OCLN: variants seen among roughly 807,000 people sequenced by gnomAD.
The protein encoded by OCLN is phosphatase 1, regulatory subunit 115.
OCLN carries 21 observed loss-of-function variants against 47.9 expected under a neutral mutation model. The observed-to-expected ratio is 0.44, with a 90% CI of 0.31 to 0.63. OCLN has a LOEUF of 0.63. OCLN is among the 30% of genes least tolerant of loss of function. OCLN has a pLI of 0.08. For synonymous variants in OCLN, 117 were observed against 198.4 expected (o/e 0.59, Z 3.45); for missense variants, 360 against 571.0 (o/e 0.63, Z 3.77).
At chr5:69,515,283 GA>G (rs1470453943) in intron 4 of OCLN, among the ~76,000 whole-genome samples, 1 of 141,222 alleles carries the variant, frequency 7.1e-6, no homozygotes, top group Non-Finnish European at 1.6e-5. Flanking sequence ...GCGGGGGGCT[GA>G]CCCCCCCACC....
chr5:69,526,392 G>A lies in OCLN; in HGVS notation c.892-8302G>A, dbSNP rs1481870982. Among the ~76,000 whole-genome samples, 4 of 152,102 alleles carry A rather than the reference G, an allele frequency of 2.6e-5. No homozygotes were observed. In the East Asian group the frequency reaches 7.7e-4, roughly 29 times the overall value. ...GGAACTGCAGATGATTGGCTCACAG[G>A]CTGGGCGACCAAAGACATCCTGGCA... On this transcript the variant is annotated intron_variant, in intron 4 of 8. Coordinates refer to ENST00000396442, the MANE Select transcript of OCLN (RefSeq NM_001205254.2).
At chr5:69,506,104 T>G (rs1248936689) in intron 2 of OCLN, among the ~76,000 whole-genome samples, 5 of 152,154 alleles carry the variant, frequency 3.3e-5, no homozygotes, top group African/African-American at 1.2e-4. Context: ...TAAAGTGGCT[T>G]GCAGAACTCA....
At chr5:69,533,766 C>T (rs1485458056) in intron 4 of OCLN, among the ~76,000 whole-genome samples, 1 of 152,206 alleles carries the variant, frequency 6.6e-6, no homozygotes. Flanking sequence ...GATTCTCTTG[C>T]CTCAGCCTCC....
At chr5:69,520,418 A>G (rs1769102560) in intron 4 of OCLN, among the ~76,000 whole-genome samples, 1 of 151,114 alleles carries the variant, frequency 6.6e-6, no homozygotes, top group African/African-American at 2.4e-5. Context: ...CTCCTGCCTC[A>G]GCCTCCCAAG....
At chr5:69,515,057 G>A (rs1487881643) in intron 4 of OCLN, among the ~76,000 whole-genome samples, 1 of 152,154 alleles carries the variant, frequency 6.6e-6, no homozygotes, top group African/African-American at 2.4e-5. Flanking sequence ...CCCAGACGGG[G>A]TGGTGGCTGG....
intron 4 of OCLN, among the ~76,000 whole-genome samples, chr5:69,533,094 C>T (rs745517823): frequency 2.2e-4 from 30 of 137,068 alleles, no homozygotes; most frequent in Middle Eastern, 3.6e-3. Context: ...TATATACACA[C>T]ACACACACAC....
intron 1 of OCLN, among the ~76,000 whole-genome samples, chr5:69,496,976 T>C (rs1007679977): frequency 6.6e-6 from 1 of 152,300 alleles, no homozygotes; most frequent in Admixed American, 6.5e-5. Context: ...ACTCAACACA[T>C]GTACAGATTG....
chr5:69,516,046 C>T (rs1471618875), intron 4 of OCLN, among the ~76,000 whole-genome samples: 1 of 148,786 alleles, frequency 6.7e-6, no homozygotes, highest in South Asian at 2.2e-4. Flanking sequence ...CCTCACGTCC[C>T]AGACGATGGG....
intron 2 of OCLN, among the ~76,000 whole-genome samples, chr5:69,504,805 C>T (rs936859321): frequency 3.3e-5 from 5 of 152,066 alleles, no homozygotes; most frequent in East Asian, 1.9e-4. Context: ...TGTGGTGGCG[C>T]GCACCTCTAA....
At chr5:69,525,473 G>A (rs940190318) in intron 4 of OCLN, among the ~76,000 whole-genome samples, 14 of 152,140 alleles carry the variant, frequency 9.2e-5, no homozygotes, top group Non-Finnish European at 1.8e-4. Flanking sequence ...GCAACTCTTG[G>A]TGGTGTTAGA....
At chr5:69,535,853 G>A (rs1486972991) in intron 5 of OCLN, among the ~76,000 whole-genome samples, 1 of 152,176 alleles carries the variant, frequency 6.6e-6, no homozygotes, top group Non-Finnish European at 1.5e-5. Context: ...TGGCGGGGGC[G>A]GTGGCTCACG....
chr5:69,502,922 T>C (rs974423029), intron 1 of OCLN, among the ~76,000 whole-genome samples: 1 of 152,166 alleles, frequency 6.6e-6, no homozygotes, highest in Non-Finnish European at 1.5e-5. Flanking sequence ...GAACTCATTG[T>C]TTCAAACTAG....
chr5:69,521,590 T>C (rs980736524), intron 4 of OCLN, among the ~76,000 whole-genome samples: 3 of 152,206 alleles, frequency 2.0e-5, no homozygotes, highest in South Asian at 2.1e-4. Flanking sequence ...GCTATGGTTG[T>C]GTCACTGTAC....
chr5:69,498,456 T>G (rs1768364152), intron 1 of OCLN, among the ~76,000 whole-genome samples: 1 of 151,762 alleles, frequency 6.6e-6, no homozygotes, highest in Non-Finnish European at 1.5e-5. Flanking sequence ...ATCACGCCAT[T>G]GCATTCCAGG....
At chr5:69,550,396 T>C (rs1769834313) in intron 7 of OCLN, among the ~76,000 whole-genome samples, 2 of 150,790 alleles carry the variant, frequency 1.3e-5, no homozygotes, top group Admixed American at 1.3e-4. Context: ...TTTGCCATGT[T>C]GGTCAGGCTA....
chr5:69,514,982 C>T (rs1302075324), intron 4 of OCLN, among the ~76,000 whole-genome samples: 3 of 152,236 alleles, frequency 2.0e-5, no homozygotes, highest in Non-Finnish European at 2.9e-5. Flanking sequence ...CCTTTCCCCC[C>T]TTTCTATTCC....
At chr5:69,495,649 G>T (rs757783863) in intron 1 of OCLN, among the ~76,000 whole-genome samples, 4 of 152,150 alleles carry the variant, frequency 2.6e-5, no homozygotes, top group Non-Finnish European at 5.9e-5. Flanking sequence ...AGCGACCAGG[G>T]ATATAAATGA....
chr5:69,515,244 CT>C (rs1159587998), intron 4 of OCLN, among the ~76,000 whole-genome samples: 1 of 145,798 alleles, frequency 6.9e-6, no homozygotes, highest in Non-Finnish European at 1.5e-5. Context: ...AGAGGCGCCC[CT>C]AACCTCCCGG....
intron 1 of OCLN, among the ~76,000 whole-genome samples, chr5:69,494,428 C>T (rs140472933): frequency 0.017 from 2,529 of 152,338 alleles, 66 homozygotes; most frequent in African/African-American, 0.058. Context: ...TCAGGTGATT[C>T]GCCCGCCTTG....
Sources: allele counts gnomAD v4.1 joint callset (sites outside exome capture counted in the v4.1 genomes callset), GRCh38; gene constraint gnomAD v4.1.1; transcripts MANE v1.5; gene names NCBI Gene and HGNC (gene_info 2026-07-23, HGNC 2026-07-21).